CRAMP1: variants seen among roughly 807,000 people sequenced by gnomAD.
CRAMP1 encodes protein cramped-like.
CRAMP1 carries 50 observed loss-of-function variants against 115.4 expected under a neutral mutation model. That is an observed-to-expected ratio of 0.43 (90% CI 0.35 to 0.55). CRAMP1 has a LOEUF of 0.55. Among genes scored for constraint, CRAMP1 ranks in the 20% least tolerant of loss-of-function variants. CRAMP1 has a pLI of 0.01. For missense variants in CRAMP1, 1,679 were observed against 1,721.7 expected (o/e 0.98, Z 0.44); for synonymous variants, 866 against 745.4 (o/e 1.16, Z -2.64).
chr16:1,647,290 C>T (rs764873341), intron 6 of CRAMP1, among the ~76,000 whole-genome samples: 1 of 152,180 alleles, frequency 6.6e-6, no homozygotes, highest in East Asian at 1.9e-4. Context: ...GACCCAGAGG[C>T]CTAAGTTTAT....
intron 3 of CRAMP1, among the ~76,000 whole-genome samples, chr16:1,626,882 G>C (rs956306601): frequency 6.6e-6 from 1 of 152,140 alleles, no homozygotes; most frequent in Non-Finnish European, 1.5e-5. Context: ...TTGGAGCACA[G>C]CCATGGCCAG....
At chr16:1,630,650 G>A (rs944993070) in intron 3 of CRAMP1, among the ~76,000 whole-genome samples, 1 of 152,166 alleles carries the variant, frequency 6.6e-6, no homozygotes, top group African/African-American at 2.4e-5. Context: ...TGGCCAGGAC[G>A]CTGCGCCGCA....
Position 1,614,689 on chromosome 16 carries a change from A to G in CRAMP1, c.50A>G (p.Lys17Arg), listed in dbSNP as rs2036401254. 2 of 1,324,538 alleles carry G rather than the reference A, an allele frequency of 1.5e-6. No homozygotes were observed. Among genetic ancestry groups the G allele is most frequent in the Non-Finnish European group, 1.9e-6 (2 of 1,030,348 alleles). The allele number at this position is 1,324,538 out of a possible 1,614,324, so 82.0% of individuals were successfully genotyped here. A position where few individuals can be genotyped will look rare whatever the true frequency, so the allele number is the denominator to read the frequency against. ...DGGSGEDGLK[K>R]LGKRAADEES... ...GGCAGCGGGGAGGACGGGCTCAAGA[A>G]GCTGGGCAAGCGGGCGGCCGATGAG... is the stretch of plus-strand genomic sequence containing the variant. The change falls in exon 2 of 21, where the codon AAG becomes AGG. Residue 17 changes from lysine to arginine, a missense_variant. Lys to Arg is a conservative substitution (Grantham distance 26). This residue lies in a region of CRAMP1 where 264 missense variants were observed against 229.7 expected (regional missense o/e 1.15). Coordinates refer to ENST00000397412, the MANE Select transcript of CRAMP1 (RefSeq NM_020825.4). The surrounding 1 kb of genome is among the most constrained non-coding windows in gnomAD (Gnocchi z 4.4).
At chr16:1,613,207 G>T (rs184473216) in intron 1 of CRAMP1, among the ~76,000 whole-genome samples, 1 of 152,152 alleles carries the variant, frequency 6.6e-6, no homozygotes, top group African/African-American at 2.4e-5. Flanking sequence ...TTAAGTTGGG[G>T]TGTTTGTCGT....
chr16:1,667,595 C>T (rs2036886857), intron 17 of CRAMP1, among the ~76,000 whole-genome samples, 195 bp downstream of exon 17: 1 of 152,178 alleles, frequency 6.6e-6, no homozygotes, highest in Non-Finnish European at 1.5e-5. Flanking sequence ...CTCAGACTTC[C>T]CTCCTCCCCT....
Position 1,614,804 on chromosome 16 carries a change from C to T in CRAMP1, c.165C>T (p.Gly55=). 1.6e-6 allele frequency: 2 copies of T among 1,283,348 alleles called. No homozygotes were observed. Among genetic ancestry groups the T allele is most frequent in the Non-Finnish European group, 9.8e-7 (1 of 1,017,576 alleles). The allele number at this position is 1,283,348 out of a possible 1,614,324, so 79.5% of individuals were successfully genotyped here. The change falls in exon 2 of 21, where the codon GGC becomes GGT. Residue 55 remains glycine, a synonymous_variant. Coordinates refer to ENST00000397412, the MANE Select transcript of CRAMP1 (RefSeq NM_020825.4). This position sits in a 1 kb window ranked among gnomAD's most constrained non-coding sequence, Gnocchi z 4.4. ...GGGACGAGAAGACCCCCCGGGCCGG[C>T]GCCGACGGCCCCCCCGCGCCCCCCG... is the stretch of plus-strand genomic sequence containing the variant. ...TKRDEKTPRA[G]ADGPPAPPGA...
chr16:1,670,937 G>A lies in CRAMP1; in HGVS notation c.3645+128G>A, dbSNP rs180963156. On this transcript the variant is annotated intron_variant, in intron 20 of 20. Coordinates refer to ENST00000397412, the MANE Select transcript of CRAMP1 (RefSeq NM_020825.4). ...AGAGTAGAAGAACAGGAGACAGCACGTCCACACTCAGGTCCCTGACTACTG... is the reference window on the plus strand; with the variant it reads ...AGAGTAGAAGAACAGGAGACAGCACATCCACACTCAGGTCCCTGACTACTG... 391 of 826,752 alleles carry A rather than the reference G, an allele frequency of 4.7e-4. 1 individual carries two copies. Among genetic ancestry groups the A allele is most frequent in the Admixed American group, 3.1e-3 (121 of 39,596 alleles). The allele number at this position is 826,752 out of a possible 1,614,324, so 51.2% of individuals were successfully genotyped here.
At chr16:1,622,743 CGGCAGTCT>C (rs2142170991) in intron 2 of CRAMP1, among the ~76,000 whole-genome samples, 1 of 150,698 alleles carries the variant, frequency 6.6e-6, no homozygotes, top group South Asian at 2.1e-4. Flanking sequence ...CCACCACGCC[CGGCAGTCT>C]ACTTTTTTTT....
intron 10 of CRAMP1, 49 bp downstream of exon 10, chr16:1,657,041 C>G (rs1429358626): frequency 7.0e-7 from 1 of 1,436,046 alleles, no homozygotes; most frequent in Non-Finnish European, 9.2e-7. Context: ...GGAAGCCAGG[C>G]CCAGCCTTGG....
At chr16:1,618,949 C>T (rs984282236) in intron 2 of CRAMP1, among the ~76,000 whole-genome samples, 2 of 152,272 alleles carry the variant, frequency 1.3e-5, no homozygotes, top group African/African-American at 2.4e-5. Context: ...TTTCAAATAC[C>T]TGTATACTTT....
In CRAMP1 at chr16:1,614,258, C is replaced by T. The variant is rs1464034140; in HGVS notation, c.-1-381C>T. ...TAGGTGGCTGTGGGCGGGGCAGCGG[C>T]CCGGACCCGCAACCGTGCCCAGACC... On this transcript the variant is annotated intron_variant, in intron 1 of 20. Transcript: ENST00000397412. This position sits in a 1 kb window ranked among gnomAD's most constrained non-coding sequence, Gnocchi z 4.4. 2.0e-5 allele frequency among the ~76,000 whole-genome samples: 3 copies of T among 147,068 alleles called. No homozygotes were observed. The highest frequency in any genetic ancestry group is 4.9e-5 in the African/African-American group (2 of 40,916).
Position 1,666,097 on chromosome 16 carries a change from A to T in CRAMP1, c.2777A>T (p.Gln926Leu), listed in dbSNP as rs544773439. The T allele has an allele frequency of 6.2e-7, 1 of 1,612,146 alleles. No individual in the cohort carries two copies. The highest frequency in any genetic ancestry group is 2.2e-5 in the East Asian group (1 of 44,800). ...VTGRGSFRPIQSSLTKAALSR... is the reference protein window; with the variant it reads ...VTGRGSFRPILSSLTKAALSR... ...GGGAGAGGTTCGTTCCGGCCCATCC[A>T]GTCTTCTCTGACCAAAGCAGCTCTG... The change falls in exon 15 of 21, where the codon CAG (glutamine) becomes CTG (leucine). Residue 926 changes from glutamine to leucine, a missense_variant. By Grantham distance (113) the Gln-to-Leu change is moderately radical. This residue lies in a region of CRAMP1 where 709 missense variants were observed against 741.9 expected (regional missense o/e 0.96). Transcript: ENST00000397412. The surrounding 1 kb of genome is among the most constrained non-coding windows in gnomAD (Gnocchi z 5.0).
At chr16:1,661,630 CTG>C (rs1192072743) in intron 11 of CRAMP1, among the ~76,000 whole-genome samples, 4 of 146,302 alleles carry the variant, frequency 2.7e-5, no homozygotes, top group Non-Finnish European at 4.5e-5. Context: ...GAGTCTCGCT[CTG>C]TCGCCCAGGC....
At chr16:1,617,082 C>T (rs55807365) in intron 2 of CRAMP1, among the ~76,000 whole-genome samples, 3 of 152,118 alleles carry the variant, frequency 2.0e-5, no homozygotes, top group East Asian at 1.9e-4. Flanking sequence ...CCTCAGCCCC[C>T]CAAAGTGCTG....
chr16:1,652,381 G>A (rs2036731755), intron 6 of CRAMP1, 115 bp from the exon 7 acceptor site: 27 of 807,556 alleles, frequency 3.3e-5, no homozygotes, highest in Non-Finnish European at 5.3e-5. Context: ...GAGAGGCTGG[G>A]GTGGATGCTT....
rs144569696 is a variant in CRAMP1 at position 1,667,704 on chromosome 16, C to T, written c.3103-258C>T. Among the ~76,000 whole-genome samples, 563 of 152,296 alleles carry T rather than the reference C, an allele frequency of 3.7e-3. 2 individuals carry two copies. The highest frequency in any genetic ancestry group is 6.8e-3 in the Middle Eastern group (2 of 294). Reference sequence around the variant, plus strand: ...AGGAGGCTGTCAGCTAGTAACTCCCCCAGCCCCCACTCTCTTTCTGGCAGC... The same window carrying T: ...AGGAGGCTGTCAGCTAGTAACTCCCTCAGCCCCCACTCTCTTTCTGGCAGC... On this transcript the variant is annotated intron_variant, in intron 17 of 20. Transcript: ENST00000397412.
chr16:1,641,093 T>C (rs2036628131), intron 5 of CRAMP1, 46 bp from the exon 6 acceptor site: 9 of 1,353,876 alleles, frequency 6.6e-6, no homozygotes, highest in Non-Finnish European at 9.5e-6. Flanking sequence ...GTGGCTTTGC[T>C]CCTAACTACA....
intron 2 of CRAMP1, among the ~76,000 whole-genome samples, chr16:1,622,787 T>C (rs1343700505): frequency 6.8e-6 from 1 of 148,124 alleles, no homozygotes; most frequent in African/African-American, 2.5e-5. Flanking sequence ...TTTGAGACAG[T>C]CTCTCACTCT....
chr16:1,615,614 C>G (rs761545344), intron 2 of CRAMP1, among the ~76,000 whole-genome samples: 1 of 152,166 alleles, frequency 6.6e-6, no homozygotes, highest in Non-Finnish European at 1.5e-5. Context: ...AGTGTTCGCC[C>G]TTGTATTCTG....
Sources: allele counts gnomAD v4.1 joint callset (sites outside exome capture counted in the v4.1 genomes callset), GRCh38; gene constraint gnomAD v4.1.1; regional missense constraint gnomAD v4.1.1; non-coding constraint Gnocchi (gnomAD v3.1); transcripts MANE v1.5; gene names NCBI Gene and HGNC (gene_info 2026-07-23, HGNC 2026-07-21).